Variants in DIS3L2 observed in about 807,000 individuals in gnomAD.
DIS3L2 encodes the protein DIS3 like 3'-5' exoribonuclease 2.
DIS3L2 carries 34 observed loss-of-function variants against 97.5 expected under a neutral mutation model. That is an observed-to-expected ratio of 0.35 (90% CI 0.27 to 0.46). The LOEUF (loss-of-function observed/expected upper bound fraction) is 0.46, where lower values mean the gene tolerates loss of function less well. Among genes scored for constraint, DIS3L2 ranks in the 20% least tolerant of loss-of-function variants. DIS3L2 has a pLI of 1.00. For missense variants in DIS3L2, 1,038 were observed against 1,146.0 expected (o/e 0.91, Z 1.36); for synonymous variants, 435 against 445.2 (o/e 0.98, Z 0.29).
chr2:232,015,771 G>A (rs926986734), intron 3 of DIS3L2, 100 bp downstream of exon 3: 42 of 1,404,128 alleles, frequency 3.0e-5, no homozygotes, highest in Middle Eastern at 2.0e-4. Context: ...TCAGAGAGAC[G>A]ATGATGTAAC....
At chr2:232,063,262 G>A (rs1695763196) in intron 5 of DIS3L2, among the ~76,000 whole-genome samples, 1 of 152,102 alleles carries the variant, frequency 6.6e-6, no homozygotes, top group Non-Finnish European at 1.5e-5. Context: ...ATGGCACTTA[G>A]TATACAAGAA....
In DIS3L2 at chr2:232,285,037, T is replaced by C. The variant is rs1429928019; in HGVS notation, c.1660-15003T>C. Among the ~76,000 whole-genome samples the C allele has an allele frequency of 5.3e-5, 8 of 152,252 alleles. No individual in the cohort carries two copies. In the East Asian group the frequency reaches 1.5e-3, roughly 29 times the overall value. ...CCTGGACTAAATAATAGGAAGTGGC[T>C]ATAAGGGTCCCCAACCCATTTTTAA... On this transcript the variant is annotated intron_variant, in intron 13 of 20. Transcript: ENST00000325385.
chr2:232,035,326 C>CT (rs911938458), intron 5 of DIS3L2, among the ~76,000 whole-genome samples: 9 of 151,844 alleles, frequency 5.9e-5, no homozygotes, highest in Non-Finnish European at 8.8e-5. Context: ...GCATCCCCTG[C>CT]TTTTTTTTGC....
chr2:231,987,148 A>C (rs761372143), intron 1 of DIS3L2, among the ~76,000 whole-genome samples: 1 of 152,224 alleles, frequency 6.6e-6, no homozygotes, highest in Non-Finnish European at 1.5e-5. Context: ...AGTTTCTTCC[A>C]GGACATTCTT....
intron 5 of DIS3L2, among the ~76,000 whole-genome samples, chr2:232,055,720 A>G (rs3116240): frequency 0.55 from 83,743 of 152,030 alleles, 24,232 homozygotes; most frequent in East Asian, 0.69. Context: ...CAACATCAAG[A>G]CTTACCATAA....
intron 13 of DIS3L2, among the ~76,000 whole-genome samples, chr2:232,266,185 T>A (rs1693854180): frequency 6.6e-6 from 1 of 152,154 alleles, no homozygotes; most frequent in Non-Finnish European, 1.5e-5. Context: ...GAGGATAGGG[T>A]ATAGTTGTCA....
rs148538991 is a variant in DIS3L2, at chr2:232,315,302, G to A, written c.1740-14511G>A. Among the ~76,000 whole-genome samples the A allele has an allele frequency of 3.9e-5, 6 of 152,312 alleles. No homozygotes were observed. In the East Asian group the frequency reaches 7.7e-4, roughly 20 times the overall value. On this transcript the variant is annotated intron_variant, in intron 14 of 20. Coordinates refer to ENST00000325385, the MANE Select transcript of DIS3L2 (RefSeq NM_152383.5). Reference sequence around the variant, plus strand: ...TCTCTGCTGTAAAAACCCTCACTCCGGTACTGAAAGCCCAGAGCCCAGGCT... The same window carrying A: ...TCTCTGCTGTAAAAACCCTCACTCCAGTACTGAAAGCCCAGAGCCCAGGCT...
At chr2:232,230,271 A>G (rs772089079) in intron 10 of DIS3L2, among the ~76,000 whole-genome samples, 7 of 152,208 alleles carry the variant, frequency 4.6e-5, no homozygotes, top group South Asian at 2.1e-4. Flanking sequence ...TCCAAGCCCA[A>G]TTGAGTCTGT....
chr2:231,997,464 T>C (rs1336700834), intron 1 of DIS3L2, among the ~76,000 whole-genome samples: 4 of 152,264 alleles, frequency 2.6e-5, no homozygotes, highest in African/African-American at 9.6e-5. Flanking sequence ...TTTTGGCTCA[T>C]ATGAAACAGG....
Position 232,264,341 on chromosome 2 carries a change from C to G in DIS3L2, c.1659+901C>G, listed in dbSNP as rs1693799678. On this transcript the variant is annotated intron_variant, in intron 13 of 20. Coordinates refer to ENST00000325385, the MANE Select transcript of DIS3L2 (RefSeq NM_152383.5). ...AACACTGGCTATTGAATAACATTGG[C>G]CTGGATTGTTATTGATAACTCTGAA... is the stretch of plus-strand genomic sequence containing the variant. Among the ~76,000 whole-genome samples the G allele has an allele frequency of 2.0e-5, 3 of 152,150 alleles. No homozygotes were observed. In the South Asian group the frequency reaches 6.2e-4, roughly 32 times the overall value.
chr2:231,980,693 G>A (rs557192775), intron 1 of DIS3L2, among the ~76,000 whole-genome samples: 2 of 151,750 alleles, frequency 1.3e-5, no homozygotes, highest in Admixed American at 6.6e-5. Flanking sequence ...GCAAGACTCC[G>A]TCTCGAGAGA....
chr2:232,058,785 C>G (rs1304448527), intron 5 of DIS3L2, among the ~76,000 whole-genome samples: 1 of 152,046 alleles, frequency 6.6e-6, no homozygotes. Flanking sequence ...AGTCATTGAT[C>G]GTGAAGAATC....
intron 14 of DIS3L2, among the ~76,000 whole-genome samples, chr2:232,302,390 T>TAA (rs35944968): frequency 3.4e-5 from 5 of 146,974 alleles, no homozygotes; most frequent in Admixed American, 2.0e-4. Context: ...GTATAATAAT[T>TAA]AAAAAAAAAA....
chr2:232,070,923 A>G (rs1247287606), intron 5 of DIS3L2, among the ~76,000 whole-genome samples: 1 of 151,898 alleles, frequency 6.6e-6, no homozygotes, highest in African/African-American at 2.4e-5. Flanking sequence ...CATGCAGGAG[A>G]GGAGAGAGGG....
rs940515838 is a variant in DIS3L2 at position 232,292,114 on chromosome 2, T to C, written c.1660-7926T>C. On this transcript the variant is annotated intron_variant, in intron 13 of 20. Coordinates refer to ENST00000325385, the MANE Select transcript of DIS3L2 (RefSeq NM_152383.5). The surrounding 1 kb of genome is among the most constrained non-coding windows in gnomAD (Gnocchi z 4.4). ...CTTGCCTAGCCACACTTTCCTGTCT[T>C]GTCTCGTCACGCTTCTGGTTATTCT... Among the ~76,000 whole-genome samples, 1 of 152,200 alleles carries C rather than the reference T, an allele frequency of 6.6e-6. No homozygotes were observed. Among genetic ancestry groups the C allele is most frequent in the Non-Finnish European group, 1.5e-5 (1 of 68,032 alleles).
intron 5 of DIS3L2, among the ~76,000 whole-genome samples, chr2:232,047,699 T>A (rs1265133519): frequency 1.3e-5 from 2 of 152,204 alleles, no homozygotes; most frequent in South Asian, 2.1e-4. Context: ...AGAATCCCTG[T>A]GCCCATTAAG....
chr2:232,238,072 C>T (rs1161917351), intron 10 of DIS3L2, among the ~76,000 whole-genome samples: 1 of 151,928 alleles, frequency 6.6e-6, no homozygotes, highest in Non-Finnish European at 1.5e-5. Context: ...GAGGGGGGCA[C>T]AGAGGCGAGG....
At chr2:232,333,807 G>T in intron 16 of DIS3L2, 33 bp from the exon 17 acceptor site, 1 of 1,584,692 alleles carries the variant, frequency 6.3e-7, no homozygotes, top group African/African-American at 1.3e-5. Context: ...GCAGCTCTGG[G>T]CTTGTCAGGC....
At chr2:232,168,016 C>T (rs112725112) in intron 9 of DIS3L2, among the ~76,000 whole-genome samples, 1,779 of 152,056 alleles carry the variant, frequency 0.012, 35 homozygotes, top group African/African-American at 0.04. Context: ...CCACTGAACT[C>T]CAGCCTGGGT....
Sources: allele counts gnomAD v4.1 joint callset (sites outside exome capture counted in the v4.1 genomes callset), GRCh38; gene constraint gnomAD v4.1.1; non-coding constraint Gnocchi (gnomAD v3.1); transcripts MANE v1.5; gene names NCBI Gene and HGNC (gene_info 2026-07-23, HGNC 2026-07-21).